Variants in SASH1 observed in about 807,000 individuals in gnomAD.
SASH1 encodes the protein SAM and SH3 domain-containing protein 1.
SASH1 carries 44 observed loss-of-function variants against 125.2 expected under a neutral mutation model. The ratio of observed to expected loss-of-function variants is 0.35; its 90% CI spans 0.28 to 0.45. The LOEUF is 0.45. Among genes scored for constraint, SASH1 ranks in the 20% least tolerant of loss-of-function variants. SASH1 has a pLI of 1.00. For missense variants in SASH1, 1,426 were observed against 1,614.5 expected (o/e 0.88, Z 2.00); for synonymous variants, 639 against 649.1 (o/e 0.98, Z 0.24).
chr6:148,388,438 G>A (rs761941709), intron 1 of SASH1, among the ~76,000 whole-genome samples: 1 of 152,214 alleles, frequency 6.6e-6, no homozygotes, highest in Non-Finnish European at 1.5e-5. Flanking sequence ...AGACAAGACT[G>A]ATTGTAGTGA....
At chr6:148,195,306 G>T in the SASH1 span, among the ~76,000 whole-genome samples, 31 of 152,334 alleles carry the variant, frequency 2.0e-4, no homozygotes, top group Non-Finnish European at 4.6e-4. Context: ...CCAAGGAGCT[G>T]GGAGCTGATG....
intron 2 of SASH1, among the ~76,000 whole-genome samples, chr6:148,438,096 G>A (rs1007364717): frequency 2.0e-5 from 3 of 152,170 alleles, no homozygotes; most frequent in Non-Finnish European, 4.4e-5. Flanking sequence ...TTTGCTGATG[G>A]TTATAGAAGG....
At chr6:148,258,957 T>C in the SASH1 span, among the ~76,000 whole-genome samples, 1 of 152,236 alleles carries the variant, frequency 6.6e-6, no homozygotes, top group Non-Finnish European at 1.5e-5. Flanking sequence ...TATAAGAGAT[T>C]CAGCAGCTTT....
chr6:148,234,037 G>A, the SASH1 span, among the ~76,000 whole-genome samples: 3 of 151,838 alleles, frequency 2.0e-5, no homozygotes, highest in African/African-American at 7.3e-5. Flanking sequence ...TTTTTTGGGT[G>A]GGGATAGGGA....
the SASH1 span, among the ~76,000 whole-genome samples, chr6:148,221,828 T>C: frequency 6.6e-6 from 1 of 152,220 alleles, no homozygotes. Flanking sequence ...ATTAAAACAC[T>C]TCACAGTGAC....
In SASH1 at chr6:148,528,066, C is replaced by T. The variant is rs146270397; in HGVS notation, c.1428+470C>T. On this transcript the variant is annotated intron_variant, in intron 12 of 19. Transcript: ENST00000367467. ...GCACATAGCCAGTCTAAGAAATAAA[C>T]TCAAAGTTCTTCCTGGGTACCAGGC... 1.2e-3 allele frequency among the ~76,000 whole-genome samples: 186 copies of T among 149,752 alleles called. 1 individual carries two copies. The highest frequency in any genetic ancestry group is 4.4e-3 in the African/African-American group (180 of 40,514).
At chr6:148,489,183 A>G (rs1018324496) in intron 8 of SASH1, among the ~76,000 whole-genome samples, 2 of 152,292 alleles carry the variant, frequency 1.3e-5, no homozygotes, top group South Asian at 2.1e-4. Flanking sequence ...ATTCATTTGC[A>G]TGTGGATATC....
intron 8 of SASH1, among the ~76,000 whole-genome samples, chr6:148,510,817 C>T (rs190753372): frequency 2.4e-3 from 364 of 151,630 alleles, no homozygotes; most frequent in Non-Finnish European, 3.8e-3. Context: ...GCCAACATGG[C>T]GAAATGCCAT....
At chr6:148,426,948 G>A (rs1188799530) in intron 2 of SASH1, among the ~76,000 whole-genome samples, 1 of 152,072 alleles carries the variant, frequency 6.6e-6, no homozygotes, top group Non-Finnish European at 1.5e-5. Context: ...AGCCTGGTCA[G>A]CATGGCAAAA....
chr6:148,262,058 A>G, the SASH1 span, among the ~76,000 whole-genome samples: 20 of 152,084 alleles, frequency 1.3e-4, no homozygotes, highest in African/African-American at 4.6e-4. Context: ...ATGCTCATGA[A>G]AACACTGCAC....
chr6:148,326,945 AAC>A (rs1421867680), intron 1 of SASH1, among the ~76,000 whole-genome samples: 12 of 152,080 alleles, frequency 7.9e-5, no homozygotes, highest in Non-Finnish European at 4.4e-5. Context: ...TACAATCTTT[AAC>A]ATCTCCAGAC....
At chr6:148,467,972 A>T (rs62432315) in intron 4 of SASH1, among the ~76,000 whole-genome samples, 2 of 152,122 alleles carry the variant, frequency 1.3e-5, no homozygotes, top group Non-Finnish European at 2.9e-5. Context: ...CTTTTTGAAC[A>T]TTGGAAGATT....
chr6:148,243,668 A>G, the SASH1 span, among the ~76,000 whole-genome samples: 2 of 149,706 alleles, frequency 1.3e-5, 1 homozygote, highest in Admixed American at 1.3e-4. Flanking sequence ...AAAAAAAAAA[A>G]AAAAAAAAAA....
chr6:148,514,252 G>A (rs772179037), intron 8 of SASH1, 72 bp from the exon 9 acceptor site: 43 of 1,540,428 alleles, frequency 2.8e-5, no homozygotes, highest in Admixed American at 4.4e-5. Context: ...CAGCAAGGCC[G>A]GCTACATCCA....
In SASH1 at chr6:148,349,252, C is replaced by CTTTTTTTTTTTTTTTTTTTT. The variant is rs11317386; in HGVS notation, c.156+6039_156+6058dup. On this transcript the variant is annotated intron_variant, in intron 1 of 19. Transcript: ENST00000367467. ...TTATTTCATTCTTTCTTCTTTCTTT[C>CTTTTTTTTTTTTTTTTTTTT]TTTTTTTTTTTTTTTTTTTTTTTTT... is the stretch of plus-strand genomic sequence containing the variant. Among the ~76,000 whole-genome samples the CTTTTTTTTTTTTTTTTTTTT allele has an allele frequency of 1.0e-3, 47 of 47,024 alleles. 3 individuals carry two copies. The highest frequency in any genetic ancestry group is 2.0e-3 in the African/African-American group (24 of 11,728). 30.8% of individuals were successfully genotyped at this position (47,024 alleles called of 152,430 possible).
chr6:148,208,212 T>C, the SASH1 span, among the ~76,000 whole-genome samples: 1 of 152,322 alleles, frequency 6.6e-6, no homozygotes, highest in African/African-American at 2.4e-5. Context: ...GGAATTTCTC[T>C]TCTCTAGCCA....
At chr6:148,534,104 C>G (rs1326709910) in intron 15 of SASH1, 124 bp downstream of exon 15, 1 of 727,170 alleles carries the variant, frequency 1.4e-6, no homozygotes, top group Non-Finnish European at 2.3e-6. Flanking sequence ...ATAAGGGCAG[C>G]TCGTTACTAT....
chr6:148,335,064 G>T (rs72563849), intron 1 of SASH1, among the ~76,000 whole-genome samples: 1 of 151,544 alleles, frequency 6.6e-6, no homozygotes. Context: ...ATGGGAGGCC[G>T]AGGCAGGTGG....
intron 4 of SASH1, among the ~76,000 whole-genome samples, chr6:148,464,627 C>A (rs986346444): frequency 6.6e-6 from 1 of 152,152 alleles, no homozygotes; most frequent in Non-Finnish European, 1.5e-5. Context: ...TGGGTTATAT[C>A]ATTGATTTTT....
Sources: allele counts gnomAD v4.1 joint callset (sites outside exome capture counted in the v4.1 genomes callset), GRCh38; gene constraint gnomAD v4.1.1; transcripts MANE v1.5; gene names NCBI Gene and HGNC (gene_info 2026-07-23, HGNC 2026-07-21).